The following PCDHA2 variants were observed in gnomAD, a reference collection of about 807,000 sequenced individuals.
PCDHA2 encodes the protein protocadherin alpha-2.
A neutral mutation model predicts 66.0 loss-of-function variants in PCDHA2; 58 were observed. The ratio of observed to expected loss-of-function variants is 0.88; its 90% CI spans 0.71 to 1.09. The LOEUF (loss-of-function observed/expected upper bound fraction) is 1.09. Ranked by LOEUF, PCDHA2 falls within the 50% of genes least tolerant of loss-of-function variation. The pLI is 0.00. For synonymous variants in PCDHA2, 634 were observed against 554.0 expected, an observed-to-expected ratio of 1.14 and a Z score of -2.03; for missense variants, 1,267 against 1,242.3, an observed-to-expected ratio of 1.02 and a Z score of -0.30.
At chr5:140,979,043 C>A (rs782371496) in intron 2 of PCDHA2, 36 bp downstream of exon 2, 2 of 1,612,500 alleles carry the variant, frequency 1.2e-6, no homozygotes, top group Non-Finnish European at 1.7e-6. Context: ...CAGAAGTAAC[C>A]TTAACTTGGT....
intron 1 of PCDHA2, chr5:140,876,782 C>T (rs372500794): frequency 2.5e-6 from 4 of 1,614,096 alleles, no homozygotes; most frequent in African/African-American, 2.7e-5. Flanking sequence ...TCGCTGTGGG[C>T]CACGGCTAGA....
At chr5:140,927,243 C>A in intron 1 of PCDHA2, 1 of 1,614,132 alleles carries the variant, frequency 6.2e-7, no homozygotes. Flanking sequence ...TCCTGGACAC[C>A]AATGACAACT....
At chr5:140,968,795 A>G in intron 1 of PCDHA2, 2 of 1,614,210 alleles carry the variant, frequency 1.2e-6, no homozygotes, top group Non-Finnish European at 1.7e-6. Context: ...TGTGGCCATT[A>G]CAGTAGCTGT....
intron 1 of PCDHA2, chr5:140,805,640 T>C (rs17286787): frequency 0.065 from 55,694 of 861,106 alleles, 1,873 homozygotes; most frequent in Non-Finnish European, 0.071. Flanking sequence ...GGTTTATTTA[T>C]TGGGAAGTCT....
chr5:140,796,688 G>C lies in PCDHA2; in HGVS notation c.1724G>C (p.Gly575Ala). ...LLAPRAGTAA[G>A]AVSELVPWSV... ...GCGCCTAGGGCTGGCACCGCTGCTG[G>C]CGCAGTGAGTGAGCTGGTGCCGTGG... Residue 575 changes from glycine to alanine, a missense_variant, in exon 1 of 4, where the codon GGC (glycine) becomes GCC (alanine). By Grantham distance (60) the Gly-to-Ala change is moderately conservative. Transcript: ENST00000526136. 6.2e-7 allele frequency: 1 copy of C among 1,613,940 alleles called. No individual in the cohort carries two copies. The highest frequency in any genetic ancestry group is 8.5e-7 in the Non-Finnish European group (1 of 1,179,892).
At chr5:140,819,708 A>G (rs1417707772) in intron 1 of PCDHA2, among the ~76,000 whole-genome samples, 4 of 152,120 alleles carry the variant, frequency 2.6e-5, no homozygotes, top group African/African-American at 4.8e-5. Context: ...TTTAAAAAGT[A>G]AATATAATTT....
chr5:140,804,713 T>G, intron 1 of PCDHA2: 1 of 173,596 alleles, frequency 5.8e-6, no homozygotes, highest in South Asian at 1.9e-4. Flanking sequence ...AAGGTAGACT[T>G]TTTTCTAATC....
intron 1 of PCDHA2, chr5:140,855,866 C>T: frequency 2.5e-6 from 2 of 802,280 alleles, no homozygotes; most frequent in Middle Eastern, 2.5e-4. Flanking sequence ...TCGCTGTCGT[C>T]CACAAAATAG....
At chr5:140,816,821 T>C (rs1766001428) in intron 1 of PCDHA2, 1 of 152,126 alleles carries the variant, frequency 6.6e-6, no homozygotes. Context: ...TCTAATCTTT[T>C]TCCCTCTGTG....
At chr5:140,893,083 T>C (rs2063812039) in intron 1 of PCDHA2, among the ~76,000 whole-genome samples, 1 of 152,266 alleles carries the variant, frequency 6.6e-6, no homozygotes, top group Non-Finnish European at 1.5e-5. Flanking sequence ...GATTTCATTC[T>C]TTTTTATGGC....
At chr5:140,886,742 C>T (rs2061110620) in intron 1 of PCDHA2, among the ~76,000 whole-genome samples, 1 of 149,008 alleles carries the variant, frequency 6.7e-6, no homozygotes, top group Non-Finnish European at 1.5e-5. Flanking sequence ...AAGAGAATTG[C>T]TTGAACCCGG....
rs1483756278 is a variant in PCDHA2, at chr5:140,982,223, T to TA, written c.2448-246dup. On this transcript the variant is annotated intron_variant, in intron 2 of 3. Transcript: ENST00000526136. Reference sequence around the variant, plus strand: ...TTTAGTGAGCGCCACATGGCGTTAATAAAAAACAGAATTGCCATAAAGATA... The same window carrying TA: ...TTTAGTGAGCGCCACATGGCGTTAATAAAAAAACAGAATTGCCATAAAGATA... 8.6e-6 allele frequency: 5 copies of TA among 580,096 alleles called. No homozygotes were observed. In the East Asian group the frequency reaches 1.2e-4, roughly 14 times the overall value. The allele number at this position is 580,096 out of a possible 1,614,324, so 35.9% of individuals were successfully genotyped here. A position where few individuals can be genotyped will look rare whatever the true frequency, so the allele number is the denominator to read the frequency against.
At chr5:140,918,036 C>G (rs1423930397) in intron 1 of PCDHA2, among the ~76,000 whole-genome samples, 1 of 152,036 alleles carries the variant, frequency 6.6e-6, no homozygotes, top group Non-Finnish European at 1.5e-5. Flanking sequence ...CGTGGAAGGT[C>G]TTTCCATTTG....
At chr5:140,813,432 C>T (rs2126646419) in intron 1 of PCDHA2, 3 of 152,172 alleles carry the variant, frequency 2.0e-5, no homozygotes, top group Non-Finnish European at 2.9e-5. Flanking sequence ...GTACTGAATA[C>T]TATAGGGAAT....
intron 1 of PCDHA2, chr5:140,857,926 C>G (rs1351185942): frequency 2.5e-6 from 4 of 1,597,606 alleles, no homozygotes; most frequent in East Asian, 2.2e-5. Flanking sequence ...TGGGGCTGTA[C>G]ACGGGCGAGA....
At chr5:140,866,073 G>A (rs1329544131) in intron 1 of PCDHA2, 1 of 152,068 alleles carries the variant, frequency 6.6e-6, no homozygotes, top group Non-Finnish European at 1.5e-5. Flanking sequence ...ACTGAGATAG[G>A]TATTTTGGTT....
Position 140,858,148 on chromosome 5 carries a change from C to T in PCDHA2, c.2388+60796C>T, listed in dbSNP as rs189442889. The T allele has an allele frequency of 6.1e-4, 978 of 1,597,640 alleles. 22 individuals are homozygous for T. In the East Asian group the frequency reaches 0.021, roughly 34 times the overall value. On this transcript the variant is annotated intron_variant, in intron 1 of 3. Coordinates refer to ENST00000526136, the MANE Select transcript of PCDHA2 (RefSeq NM_018905.3). ...TGGATGTCAACGTGTACCTGATCAT[C>T]GCCATCTGCGCGGTGTCCAGCTTGC...
At chr5:140,927,533 C>T in intron 1 of PCDHA2, 1 of 1,614,102 alleles carries the variant, frequency 6.2e-7, no homozygotes, top group Non-Finnish European at 8.5e-7. Flanking sequence ...CCTGCCCGCT[C>T]AGGAGACGCA....
At chr5:140,966,542 G>C (rs926112867) in intron 1 of PCDHA2, 4 of 464,302 alleles carry the variant, frequency 8.6e-6, no homozygotes, top group Non-Finnish European at 1.5e-5. Flanking sequence ...GAGCGACTCG[G>C]AGGCGAGCGG....
Sources: gnomAD v4.1 joint callset for allele counts (sites outside exome capture counted in the v4.1 genomes callset) on GRCh38, gnomAD v4.1.1 for gene constraint, MANE v1.5 for transcripts, NCBI Gene and HGNC (gene_info 2026-07-23, HGNC 2026-07-21) for gene names.